CYP2B6: variants seen among roughly 807,000 people sequenced by gnomAD.
CYP2B6 encodes the protein cytochrome P450 2B6.
CYP2B6 carries 35 observed loss-of-function variants against 43.4 expected under a neutral mutation model. The observed-to-expected ratio is 0.81, with a 90% CI of 0.62 to 1.07. The LOEUF (loss-of-function observed/expected upper bound fraction) is 1.07, where lower values mean the gene tolerates loss of function less well. Ranked by LOEUF, CYP2B6 falls within the 50% of genes least tolerant of loss-of-function variation. The pLI is 0.00. For synonymous variants in CYP2B6, 239 were observed against 239.2 expected, an observed-to-expected ratio of 1.00 and a Z score of 0.01; for missense variants, 624 against 632.8, an observed-to-expected ratio of 0.99 and a Z score of 0.15.
At chr19:41,010,506 A>C (rs1467431078) in intron 6 of CYP2B6, among the ~76,000 whole-genome samples, 5 of 149,922 alleles carry the variant, frequency 3.3e-5, no homozygotes. Context: ...CTTCACTTCC[A>C]GGGTTCACGC....
chr19:41,007,348 A>G lies in CYP2B6; in HGVS notation c.645+283A>G, dbSNP rs116156062. Reference sequence around the variant, plus strand: ...CAAAAACAAGACAAAGAAGAGCAGAAATCAAGAGATTCTGAGAGACAGAGT... The same window carrying G: ...CAAAAACAAGACAAAGAAGAGCAGAGATCAAGAGATTCTGAGAGACAGAGT... On this transcript the variant is annotated intron_variant, in intron 4 of 8. Coordinates refer to ENST00000324071, the MANE Select transcript of CYP2B6 (RefSeq NM_000767.5). 1.8e-3 allele frequency: 821 copies of G among 452,306 alleles called. 8 individuals carry two copies. Among genetic ancestry groups the G allele is most frequent in the African/African-American group, 0.014 (728 of 50,922 alleles). The allele number at this position is 452,306 out of a possible 1,614,324, so 28.0% of individuals were successfully genotyped here.
At chr19:41,000,466 C>T (rs1437199865) in intron 1 of CYP2B6, among the ~76,000 whole-genome samples, 1 of 152,144 alleles carries the variant, frequency 6.6e-6, no homozygotes, top group Non-Finnish European at 1.5e-5. Context: ...CGGCCAGGGC[C>T]TACAAAGTGC....
intron 1 of CYP2B6, among the ~76,000 whole-genome samples, chr19:40,995,851 G>C (rs1243354715): frequency 1.3e-5 from 2 of 152,086 alleles, no homozygotes; most frequent in Non-Finnish European, 2.9e-5. Context: ...GACCAAAAAA[G>C]GTTCAGGAGA....
chr19:41,012,432 G>T lies in CYP2B6; in HGVS notation c.1099G>T (p.Val367Leu), dbSNP rs143979776. 2.6e-4 allele frequency: 413 copies of T among 1,614,044 alleles called. No individual in the cohort carries two copies. In the African/African-American group the frequency reaches 4.5e-3, roughly 18 times the overall value. The change falls in exon 7 of 9, where the codon GTG (valine) becomes TTG (leucine). Residue 367 changes from valine (V) to leucine (L), a missense_variant. By Grantham distance (32) the Val-to-Leu change is conservative (BLOSUM62 1). Coordinates refer to ENST00000324071, the MANE Select transcript of CYP2B6 (RefSeq NM_000767.5). Reference sequence around the variant, plus strand: ...ATTTTCCGACCTTCTCCCCATGGGTGTGCCCCACATTGTCACCCAACACAC... The same window carrying T: ...ATTTTCCGACCTTCTCCCCATGGGTTTGCCCCACATTGTCACCCAACACAC... Reference protein sequence around the residue: ...QRFSDLLPMGVPHIVTQHTSF... With the variant: ...QRFSDLLPMGLPHIVTQHTSF...
In CYP2B6 at chr19:41,012,426, A is replaced by T; in HGVS notation, c.1093A>T (p.Met365Leu). 9.3e-6 allele frequency: 15 copies of T among 1,614,028 alleles called. No individual in the cohort carries two copies. Among genetic ancestry groups the T allele is most frequent in the Non-Finnish European group, 1.3e-5 (15 of 1,179,956 alleles). Residue 365 changes from methionine (M) to leucine (L), a missense_variant, in exon 7 of 9, where the codon ATG becomes TTG. Met to Leu is a conservative substitution (Grantham distance 15, BLOSUM62 2). Coordinates refer to ENST00000324071, the MANE Select transcript of CYP2B6 (RefSeq NM_000767.5). ...TCAGAGATTTTCCGACCTTCTCCCC[A>T]TGGGTGTGCCCCACATTGTCACCCA... is the stretch of plus-strand genomic sequence containing the variant. ...EIQRFSDLLP[M>L]GVPHIVTQHT...
chr19:41,015,989 C>A (rs1969356448), intron 8 of CYP2B6, among the ~76,000 whole-genome samples: 2 of 124,026 alleles, frequency 1.6e-5, no homozygotes, highest in African/African-American at 6.3e-5. Context: ...CACACTCACA[C>A]ATGTACAGGT....
intron 4 of CYP2B6, 46 bp from the exon 5 acceptor site, chr19:41,009,173 G>A: frequency 1.9e-6 from 3 of 1,550,778 alleles, no homozygotes; most frequent in Non-Finnish European, 2.7e-6. Context: ...CCTGTGACCT[G>A]CTAGCTCAGC....
chr19:40,999,059 T>C (rs1041005749), intron 1 of CYP2B6, among the ~76,000 whole-genome samples: 15 of 145,648 alleles, frequency 1.0e-4, no homozygotes, highest in Middle Eastern at 6.8e-3. Context: ...AAAGTGTTCC[T>C]ATTTCTCCAC....
chr19:41,010,694 G>A (rs1969270333), intron 6 of CYP2B6, among the ~76,000 whole-genome samples: 2 of 152,020 alleles, frequency 1.3e-5, no homozygotes, highest in Admixed American at 6.6e-5. Context: ...TGTTACATGC[G>A]TAGGTTTTGT....
In CYP2B6 at chr19:41,003,582, T is replaced by C. The variant is rs1969129145; in HGVS notation, c.172-419T>C. Among the ~76,000 whole-genome samples, 2 of 152,202 alleles carry C rather than the reference T, an allele frequency of 1.3e-5. 1 individual carries two copies. Among genetic ancestry groups the C allele is most frequent in the South Asian group, 4.1e-4 (2 of 4,832 alleles). On this transcript the variant is annotated intron_variant, in intron 1 of 8. Coordinates refer to ENST00000324071, the MANE Select transcript of CYP2B6 (RefSeq NM_000767.5). ...ATTCATCGTATTTTATCAACCATCT[T>C]TACTGTTTAGGGCACAAGCCAATCA...
rs763613336 is a variant in CYP2B6 at position 41,010,161 on chromosome 19, G to C, written c.964+26G>C. On this transcript the variant is annotated intron_variant, in intron 6 of 8. Transcript: ENST00000324071. ...GTGGGCCAGGGACAGCCAGTCAAGG[G>C]GGTCTTCTGACCTCCTTCTGAGCTG... is the stretch of plus-strand genomic sequence containing the variant. 115 of 1,611,638 alleles carry C rather than the reference G, an allele frequency of 7.1e-5. No individual in the cohort carries two copies. In the Middle Eastern group the frequency reaches 2.0e-3, roughly 28 times the overall value.
intron 1 of CYP2B6, among the ~76,000 whole-genome samples, chr19:40,999,841 A>G (rs1417536812): frequency 6.6e-6 from 1 of 152,000 alleles, no homozygotes; most frequent in African/African-American, 2.4e-5. Context: ...AGTGTGAGCC[A>G]CCATGCCCCA....
chr19:41,005,264 G>T (rs768048400), intron 3 of CYP2B6, among the ~76,000 whole-genome samples: 26 of 152,056 alleles, frequency 1.7e-4, no homozygotes, highest in Non-Finnish European at 3.8e-4. Flanking sequence ...TGTGAGACAT[G>T]TAGGTGAAGG....
At chr19:40,993,610 A>T (rs567699888) in intron 1 of CYP2B6, among the ~76,000 whole-genome samples, 4 of 152,180 alleles carry the variant, frequency 2.6e-5, no homozygotes, top group South Asian at 2.1e-4. Context: ...ACACCTGGGG[A>T]TTACAATTCA....
At chr19:41,015,400 A>G (rs1417619349) in intron 8 of CYP2B6, among the ~76,000 whole-genome samples, 1 of 152,206 alleles carries the variant, frequency 6.6e-6, no homozygotes, top group Non-Finnish European at 1.5e-5. Context: ...ACACTTTTCC[A>G]AACACCTCCA....
At chr19:41,011,512 A>G (rs974051438) in intron 6 of CYP2B6, among the ~76,000 whole-genome samples, 1 of 152,200 alleles carries the variant, frequency 6.6e-6, no homozygotes, top group Non-Finnish European at 1.5e-5. Flanking sequence ...CTTTCCATCC[A>G]TGAATTGATC....
chr19:40,994,865 T>C (rs1224076949), intron 1 of CYP2B6, among the ~76,000 whole-genome samples: 3 of 152,088 alleles, frequency 2.0e-5, no homozygotes, highest in African/African-American at 7.3e-5. Context: ...TTCCAGTGAG[T>C]GCAAAAAAGC....
At chr19:41,015,757 A>G (rs377145974) in intron 8 of CYP2B6, among the ~76,000 whole-genome samples, 11 of 151,628 alleles carry the variant, frequency 7.3e-5, no homozygotes, top group African/African-American at 2.7e-4. Flanking sequence ...GACAGCCTAG[A>G]GACACAGACA....
chr19:41,003,486 G>A (rs1969127849), intron 1 of CYP2B6, among the ~76,000 whole-genome samples: 1 of 152,128 alleles, frequency 6.6e-6, no homozygotes, highest in South Asian at 2.1e-4. Context: ...TTCAGACTGC[G>A]ATTAGCTGCA....
Sources: allele counts gnomAD v4.1 joint callset (sites outside exome capture counted in the v4.1 genomes callset), GRCh38; gene constraint gnomAD v4.1.1; transcripts MANE v1.5; gene names NCBI Gene and HGNC (gene_info 2026-07-23, HGNC 2026-07-21).